LRMDA: variants seen among roughly 807,000 people sequenced by gnomAD.
LRMDA encodes the protein leucine rich melanocyte differentiation associated.
In LRMDA, 18 loss-of-function variants were observed where a neutral mutation model predicts 29.8. The ratio of observed to expected loss-of-function variants is 0.60; its 90% CI spans 0.42 to 0.90. The LOEUF (loss-of-function observed/expected upper bound fraction) is 0.90. Among genes scored for constraint, LRMDA ranks in the 40% least tolerant of loss-of-function variants. LRMDA has a pLI of 0.00. For synonymous variants in LRMDA, 125 were observed against 109.4 expected, an observed-to-expected ratio of 1.14 and a Z score of -0.89; for missense variants, 273 against 273.9, an observed-to-expected ratio of 1.00 and a Z score of 0.02.
At chr10:75,592,976 C>G (rs1459207488) in intron 2 of LRMDA, among the ~76,000 whole-genome samples, 1 of 152,080 alleles carries the variant, frequency 6.6e-6, no homozygotes, top group Non-Finnish European at 1.5e-5. Context: ...TTTCTGGTTT[C>G]CTTCCATAAT....
At chr10:76,369,171 TG>T (rs1206401385) in intron 6 of LRMDA, among the ~76,000 whole-genome samples, 2 of 152,200 alleles carry the variant, frequency 1.3e-5, no homozygotes, top group African/African-American at 4.8e-5. Context: ...CTTGGTTTTT[TG>T]TTTTTGCTTT....
chr10:76,041,741 T>G (rs928223945), intron 3 of LRMDA, among the ~76,000 whole-genome samples: 1 of 152,056 alleles, frequency 6.6e-6, no homozygotes, highest in African/African-American at 2.4e-5. Context: ...AAAATCTCCT[T>G]TGGCAAGCCT....
Position 76,419,025 on chromosome 10 carries a change from G to A in LRMDA, c.601+94540G>A, listed in dbSNP as rs528016934. ...TTGACACTTGGACAGCCTTTCACAC[G>A]ATCAGCATCTCACACCAAAGTGGTA... On this transcript the variant is annotated intron_variant, in intron 6 of 6. Coordinates refer to ENST00000611255, the MANE Select transcript of LRMDA (RefSeq NM_001305581.2). 3.7e-4 allele frequency among the ~76,000 whole-genome samples: 56 copies of A among 152,102 alleles called. 1 individual carries two copies. In the South Asian group the frequency reaches 4.4e-3, roughly 12 times the overall value.
At chr10:75,888,500 T>C (rs796267455) in intron 2 of LRMDA, among the ~76,000 whole-genome samples, 10 of 152,342 alleles carry the variant, frequency 6.6e-5, no homozygotes, top group African/African-American at 2.4e-4. Flanking sequence ...ATTTCCTAGC[T>C]TAAAACAGCC....
intron 2 of LRMDA, among the ~76,000 whole-genome samples, chr10:75,517,055 C>T (rs1008087029): frequency 3.9e-5 from 6 of 152,080 alleles, no homozygotes; most frequent in Non-Finnish European, 8.8e-5. Context: ...TTCCATTGAT[C>T]TATCTCTCTG....
intron 3 of LRMDA, among the ~76,000 whole-genome samples, chr10:76,046,501 T>C (rs2132040409): frequency 6.6e-6 from 1 of 152,332 alleles, no homozygotes; most frequent in Admixed American, 6.5e-5. Flanking sequence ...TTTTTTGTTT[T>C]GTTTTTTTCT....
chr10:76,541,935 G>A (rs932980011), intron 6 of LRMDA, among the ~76,000 whole-genome samples: 1 of 152,184 alleles, frequency 6.6e-6, no homozygotes, highest in Non-Finnish European at 1.5e-5. Context: ...AGGGCAAGTT[G>A]AGTGTAATTG....
chr10:75,680,186 A>G (rs1406676398), intron 2 of LRMDA, among the ~76,000 whole-genome samples: 1 of 152,250 alleles, frequency 6.6e-6, no homozygotes, highest in African/African-American at 2.4e-5. Context: ...GATCCCCCAA[A>G]TTTGAATCTC....
chr10:75,595,778 A>G (rs2132087507), intron 2 of LRMDA, among the ~76,000 whole-genome samples: 1 of 152,140 alleles, frequency 6.6e-6, no homozygotes, highest in East Asian at 1.9e-4. Flanking sequence ...TGAAAAGACT[A>G]GGAAATAAAT....
intron 5 of LRMDA, among the ~76,000 whole-genome samples, chr10:76,103,589 T>A (rs1849431189): frequency 6.6e-6 from 1 of 152,200 alleles, no homozygotes. Flanking sequence ...TTCACCCCTT[T>A]TAGTTGTGGT....
Position 75,578,215 on chromosome 10 carries a change from C to CAAAAAAAAAAAAAAAAAAAAAAA in LRMDA, c.131+139723_131+139745dup, listed in dbSNP as rs1183989010. ...GTATATTTACCAAGCAAATGGAAAGCAAAAAAAAAAAAAAAAAAAAAAAAG... is the reference window on the plus strand; with the variant it reads ...GTATATTTACCAAGCAAATGGAAAGCAAAAAAAAAAAAAAAAAAAAAAAAAAAAAAAAAAAAAAAAAAAAAAAG... On this transcript the variant is annotated intron_variant, in intron 2 of 6. Transcript: ENST00000611255. 7.0e-4 allele frequency among the ~76,000 whole-genome samples: 10 copies of CAAAAAAAAAAAAAAAAAAAAAAA among 14,226 alleles called. 1 individual carries two copies. The highest frequency in any genetic ancestry group is 1.6e-3 in the Admixed American group (1 of 632). The allele number at this position is 14,226 out of a possible 152,430, so 9.3% of individuals were successfully genotyped here.
At chr10:75,790,295 G>A (rs985926670) in intron 2 of LRMDA, among the ~76,000 whole-genome samples, 1 of 152,178 alleles carries the variant, frequency 6.6e-6, no homozygotes, top group Non-Finnish European at 1.5e-5. Context: ...TCTCTGGGTG[G>A]AGGGCAGATT....
chr10:76,510,865 A>G (rs1351241945), intron 6 of LRMDA, among the ~76,000 whole-genome samples: 1 of 152,260 alleles, frequency 6.6e-6, no homozygotes, highest in East Asian at 1.9e-4. Flanking sequence ...TGCTGCACCT[A>G]TGCAGTCTTC....
At chr10:76,221,300 G>T (rs1272825152) in intron 5 of LRMDA, among the ~76,000 whole-genome samples, 1 of 152,122 alleles carries the variant, frequency 6.6e-6, no homozygotes, top group Non-Finnish European at 1.5e-5. Flanking sequence ...GGAAATAAAG[G>T]GTATTCAATT....
chr10:75,934,979 T>C (rs932952596), intron 2 of LRMDA, among the ~76,000 whole-genome samples: 1 of 151,710 alleles, frequency 6.6e-6, no homozygotes, highest in South Asian at 2.1e-4. Flanking sequence ...GGCAGGAGGG[T>C]TTCCTGGCTT....
intron 2 of LRMDA, among the ~76,000 whole-genome samples, chr10:75,603,637 C>T (rs1007524676): frequency 6.6e-6 from 1 of 152,082 alleles, no homozygotes; most frequent in African/African-American, 2.4e-5. Context: ...GAAAAATACA[C>T]ATTAACATAA....
chr10:76,031,435 C>T (rs1848148326), intron 2 of LRMDA, among the ~76,000 whole-genome samples: 1 of 152,156 alleles, frequency 6.6e-6, no homozygotes, highest in Non-Finnish European at 1.5e-5. Flanking sequence ...CTGTCTGTCC[C>T]ATGCTTGGAT....
chr10:76,113,683 T>A (rs1413314226), intron 5 of LRMDA, among the ~76,000 whole-genome samples: 4 of 151,984 alleles, frequency 2.6e-5, no homozygotes. Context: ...CACAAGGCAG[T>A]GGGAAGGGAT....
intron 5 of LRMDA, among the ~76,000 whole-genome samples, chr10:76,276,053 C>CTATCTATCTATCTATCTT (rs150054728): frequency 7.1e-6 from 1 of 139,936 alleles, no homozygotes. Flanking sequence ...ATCTATCTAT[C>CTATCTATCTATCTATCTT]TCTTTCTTTC....
Sources: allele counts gnomAD v4.1 joint callset (sites outside exome capture counted in the v4.1 genomes callset), GRCh38; gene constraint gnomAD v4.1.1; transcripts MANE v1.5; gene names NCBI Gene and HGNC (gene_info 2026-07-23, HGNC 2026-07-21).